The following PCDHA7 variants were observed in gnomAD, a reference collection of about 807,000 sequenced individuals.
The protein encoded by PCDHA7 is protocadherin alpha-7.
PCDHA7 carries 37 observed loss-of-function variants against 57.2 expected under a neutral mutation model. The observed-to-expected ratio is 0.65, with a 90% confidence interval of 0.50 to 0.85. The LOEUF is 0.85. Ranked by LOEUF, PCDHA7 falls within the 40% of genes least tolerant of loss-of-function variation. PCDHA7 has a pLI of 0.00. For synonymous variants in PCDHA7, 553 were observed against 558.8 expected (o/e 0.99, Z 0.15); for missense variants, 1,188 against 1,241.8 (o/e 0.96, Z 0.65).
chr5:140,968,506 G>T (rs781902536), intron 1 of PCDHA7: 2 of 1,614,176 alleles, frequency 1.2e-6, no homozygotes, highest in South Asian at 2.2e-5. Context: ...CTCACATTCT[G>T]TACCCTACCT....
intron 1 of PCDHA7, among the ~76,000 whole-genome samples, chr5:140,946,634 A>ATAT (rs1554217761): frequency 1.4e-5 from 2 of 147,350 alleles, no homozygotes; most frequent in Non-Finnish European, 3.0e-5. Context: ...ATATATATAC[A>ATAT]ATGGAATACT....
chr5:140,971,702 T>G (rs1411821487), intron 1 of PCDHA7, among the ~76,000 whole-genome samples: 6 of 152,138 alleles, frequency 3.9e-5, no homozygotes, highest in African/African-American at 1.4e-4. Flanking sequence ...CTAACCACCC[T>G]GCTATATAGA....
At chr5:140,961,887 G>GTTT (rs35680913) in intron 1 of PCDHA7, among the ~76,000 whole-genome samples, 3 of 143,936 alleles carry the variant, frequency 2.1e-5, no homozygotes, top group Non-Finnish European at 3.1e-5. Context: ...ACTTACATCA[G>GTTT]TTTTTTTTTT....
intron 1 of PCDHA7, among the ~76,000 whole-genome samples, chr5:140,942,516 G>C (rs1172442572): frequency 2.0e-5 from 3 of 152,004 alleles, no homozygotes; most frequent in African/African-American, 7.3e-5. Flanking sequence ...AAACTCAGAG[G>C]GGAAGCAACT....
intron 1 of PCDHA7, chr5:140,862,777 C>A: frequency 1.7e-6 from 1 of 577,324 alleles, no homozygotes. Context: ...CGCGTTGCAG[C>A]CACTGGACTA....
intron 1 of PCDHA7, among the ~76,000 whole-genome samples, chr5:140,896,282 A>G (rs1326876303): frequency 2.0e-5 from 3 of 152,224 alleles, no homozygotes; most frequent in Non-Finnish European, 4.4e-5. Context: ...GCTGGCTTGA[A>G]TGGTAAGTTC....
intron 3 of PCDHA7, among the ~76,000 whole-genome samples, chr5:141,003,429 A>G (rs782300910): frequency 6.6e-5 from 10 of 152,138 alleles, no homozygotes; most frequent in Non-Finnish European, 1.3e-4. Flanking sequence ...CTTATGCCTC[A>G]GCCTCCCAAG....
chr5:140,947,038 A>G (rs2094072618), intron 1 of PCDHA7, among the ~76,000 whole-genome samples: 1 of 151,776 alleles, frequency 6.6e-6, no homozygotes, highest in Admixed American at 6.6e-5. Context: ...TATACTAATT[A>G]CCCTGATTTG....
At chr5:140,848,916 T>C (rs1389389482) in intron 1 of PCDHA7, 1 of 1,607,882 alleles carries the variant, frequency 6.2e-7, no homozygotes, top group South Asian at 1.1e-5. Context: ...AAAGAATCTG[T>C]TCATCGCGGA....
chr5:140,835,722 G>T lies in PCDHA7; in HGVS notation c.1339G>T (p.Asp447Tyr). The T allele has an allele frequency of 6.2e-7, 1 of 1,613,846 alleles. No individual in the cohort carries two copies. ...TGCTAGCGTGTCCGTGGAGGTGGCC[G>T]ACGTGAACGACAACGCCCCGGCGTT... ...ATASVSVEVA[D>Y]VNDNAPAFAQ... is the part of the protein sequence containing the mutation. The change falls in exon 1 of 4, where the codon GAC (aspartate) becomes TAC (tyrosine). Residue 447 changes from aspartate to tyrosine, a missense_variant. Transcript: ENST00000525929.
intron 1 of PCDHA7, among the ~76,000 whole-genome samples, chr5:140,935,276 T>TA (rs1447867343): frequency 6.6e-6 from 1 of 152,226 alleles, no homozygotes; most frequent in African/African-American, 2.4e-5. Flanking sequence ...ACTAATCTAA[T>TA]AAAGTTCAGC....
At position 140,835,213 on chromosome 5, in the gene PCDHA7, T is replaced by C; in HGVS notation, c.830T>C (p.Ile277Thr). 2 of 1,576,900 alleles carry C rather than the reference T, an allele frequency of 1.3e-6. No homozygotes were observed. Among genetic ancestry groups the C allele is most frequent in the Non-Finnish European group, 1.7e-6 (2 of 1,160,100 alleles). ...SDLDEGLNGD[I>T]IYSFSSDVSP... ...TTAGACGAAGGCTTGAATGGGGATATTATTTACTCCTTCTCCAGTGATGTT... is the reference window on the plus strand; with the variant it reads ...TTAGACGAAGGCTTGAATGGGGATACTATTTACTCCTTCTCCAGTGATGTT... Residue 277 changes from isoleucine to threonine, a missense_variant, in exon 1 of 4, where the codon ATT becomes ACT. Ile to Thr is a moderately conservative substitution (Grantham distance 89). Transcript: ENST00000525929.
chr5:140,966,932 G>T, intron 1 of PCDHA7: 2 of 1,603,726 alleles, frequency 1.2e-6, no homozygotes, highest in Non-Finnish European at 1.7e-6. Context: ...GGCACCCGGC[G>T]CGCTCGTGGG....
rs563116049 is a variant in PCDHA7, at chr5:140,869,756, G to A, written c.2355+33018G>A. ...TTGCTGCTAACAGCTACAGACGGGGGAAAACCAGAGCTTACTGGCACCGTT... is the reference window on the plus strand; with the variant it reads ...TTGCTGCTAACAGCTACAGACGGGGAAAAACCAGAGCTTACTGGCACCGTT... On this transcript the variant is annotated intron_variant, in intron 1 of 3. Coordinates refer to ENST00000525929, the MANE Select transcript of PCDHA7 (RefSeq NM_018910.3). The A allele has an allele frequency of 3.2e-5, 51 of 1,613,194 alleles. No individual in the cohort carries two copies. Among genetic ancestry groups the A allele is most frequent in the Non-Finnish European group, 4.0e-5 (47 of 1,179,718 alleles).
intron 1 of PCDHA7, chr5:140,870,439 G>T (rs374343977): frequency 6.2e-7 from 1 of 1,614,244 alleles, no homozygotes; most frequent in African/African-American, 1.3e-5. Context: ...GGAGGTGGCC[G>T]ACGTGAACGA....
At chr5:140,871,310 C>A (rs2052956862) in intron 1 of PCDHA7, 1 of 1,613,930 alleles carries the variant, frequency 6.2e-7, no homozygotes, top group South Asian at 1.1e-5. Flanking sequence ...CCGGGGAAGC[C>A]CACGCTGGTG....
At chr5:140,925,383 T>C (rs1554202722) in intron 1 of PCDHA7, among the ~76,000 whole-genome samples, 2 of 152,140 alleles carry the variant, frequency 1.3e-5, no homozygotes, top group African/African-American at 2.4e-5. Flanking sequence ...TCAATGAGTC[T>C]CCTTTTGGCT....
intron 3 of PCDHA7, among the ~76,000 whole-genome samples, chr5:140,995,684 A>T (rs2097694657): frequency 6.6e-6 from 1 of 152,144 alleles, no homozygotes; most frequent in Non-Finnish European, 1.5e-5. Flanking sequence ...ATTTTTTTTA[A>T]TTGTTAAATA....
At chr5:140,854,210 T>C in intron 1 of PCDHA7, 2 of 643,974 alleles carry the variant, frequency 3.1e-6, no homozygotes, top group Non-Finnish European at 3.8e-6. Context: ...TTTTATTCAA[T>C]ATTGGACATC....
Sources: gnomAD v4.1 joint callset for allele counts (sites outside exome capture counted in the v4.1 genomes callset) on GRCh38, gnomAD v4.1.1 for gene constraint, MANE v1.5 for transcripts, NCBI Gene and HGNC (gene_info 2026-07-23, HGNC 2026-07-21) for gene names.